Variants in MYT1L observed in about 807,000 individuals in gnomAD.
The protein encoded by MYT1L is myelin transcription factor 1-like protein.
Under a neutral mutation model 126.7 loss-of-function variants are expected in MYT1L, and 12 were observed. The observed-to-expected ratio is 0.09, with a 90% confidence interval of 0.06 to 0.15. The LOEUF (loss-of-function observed/expected upper bound fraction) is 0.15. Among genes scored for constraint, MYT1L ranks in the 10% least tolerant of loss-of-function variants. The pLI is 1.00. For synonymous variants in MYT1L, 541 were observed against 604.2 expected (o/e 0.90, Z 1.53); for missense variants, 979 against 1,585.2 (o/e 0.62, Z 6.49).
chr2:2,150,219 G>A (rs892946965), intron 3 of MYT1L, among the ~76,000 whole-genome samples: 4 of 152,130 alleles, frequency 2.6e-5, no homozygotes, highest in Admixed American at 6.5e-5. Context: ...GCAAGATACC[G>A]TAAGGCTCTC....
At chr2:2,121,196 A>G (rs773346250) in intron 3 of MYT1L, among the ~76,000 whole-genome samples, 14 of 152,152 alleles carry the variant, frequency 9.2e-5, no homozygotes, top group Non-Finnish European at 1.3e-4. Flanking sequence ...CGAGGAAAAC[A>G]TTTTCTAATT....
intron 19 of MYT1L, among the ~76,000 whole-genome samples, chr2:1,849,829 A>T (rs2042982766): frequency 6.6e-6 from 1 of 152,202 alleles, no homozygotes; most frequent in Admixed American, 6.5e-5. Context: ...AATGGCTGGG[A>T]TGTGAGCACA....
chr2:1,867,788 T>C (rs1035602662), intron 18 of MYT1L, among the ~76,000 whole-genome samples: 2 of 152,216 alleles, frequency 1.3e-5, no homozygotes, highest in African/African-American at 4.8e-5. Flanking sequence ...TGAAGGTCAT[T>C]GTTCACACAT....
chr2:1,948,100 G>A (rs1379571945), intron 8 of MYT1L, among the ~76,000 whole-genome samples: 3 of 152,288 alleles, frequency 2.0e-5, no homozygotes, highest in African/African-American at 4.8e-5. Context: ...TTCCCTTCCC[G>A]TGGTGGGAAC....
chr2:2,042,648 C>G (rs1260248320), intron 4 of MYT1L, among the ~76,000 whole-genome samples: 1 of 152,120 alleles, frequency 6.6e-6, no homozygotes, highest in Non-Finnish European at 1.5e-5. Flanking sequence ...GGCCTCAGAA[C>G]CACACAAAGG....
chr2:2,125,185 GTC>G (rs2081528181), intron 3 of MYT1L, among the ~76,000 whole-genome samples: 1 of 152,102 alleles, frequency 6.6e-6, no homozygotes, highest in African/African-American at 2.4e-5. Context: ...ACACCTTGGT[GTC>G]TCACACACAC....
At chr2:2,074,241 AC>A (rs1278076178) in intron 3 of MYT1L, among the ~76,000 whole-genome samples, 6 of 152,234 alleles carry the variant, frequency 3.9e-5, no homozygotes, top group Admixed American at 1.3e-4. Flanking sequence ...TTTAAAAAAA[AC>A]ATGCCACTTT....
chr2:1,923,199 ATTG>A lies in MYT1L; in HGVS notation c.567_569del (p.Asn191del). The A allele has an allele frequency of 1.2e-6, 2 of 1,613,532 alleles. No individual in the cohort carries two copies. Among genetic ancestry groups the A allele is most frequent in the Admixed American group, 1.7e-5 (1 of 59,956 alleles). On this transcript the variant is annotated inframe_deletion, in exon 10 of 25. Transcript: ENST00000647738. Reference sequence around the variant, plus strand: ...CATCGTAATTGTCATATTCGTCATTATTGTTATCATCCTTTTCTGTGTCTTGCA... The same window carrying A: ...CATCGTAATTGTCATATTCGTCATTATTATCATCCTTTTCTGTGTCTTGCA...
intron 21 of MYT1L, among the ~76,000 whole-genome samples, chr2:1,814,023 TC>T (rs369141318): frequency 0.065 from 5,231 of 80,090 alleles, 387 homozygotes; most frequent in South Asian, 0.2. Flanking sequence ...CGAGACTCCG[TC>T]CCCAAAAAAA....
intron 23 of MYT1L, among the ~76,000 whole-genome samples, chr2:1,794,269 C>T (rs536288522): frequency 3.3e-5 from 5 of 152,346 alleles, no homozygotes; most frequent in African/African-American, 1.2e-4. Context: ...CATCGCTGGC[C>T]CTCAGCGGGC....
intron 14 of MYT1L, among the ~76,000 whole-genome samples, chr2:1,899,299 C>A (rs541247961): frequency 7.2e-5 from 11 of 152,388 alleles, no homozygotes; most frequent in African/African-American, 2.4e-4. Flanking sequence ...CAGGTGCCAA[C>A]GGCACCCTAT....
intron 2 of MYT1L, among the ~76,000 whole-genome samples, chr2:2,204,337 G>C (rs1476083245): frequency 2.6e-5 from 4 of 151,120 alleles, no homozygotes; most frequent in Non-Finnish European, 5.9e-5. Flanking sequence ...CTACAGAATG[G>C]GAGAAAATTT....
At chr2:2,162,047 A>G (rs958323402) in intron 3 of MYT1L, among the ~76,000 whole-genome samples, 43 of 152,258 alleles carry the variant, frequency 2.8e-4, no homozygotes, top group African/African-American at 1.0e-3. Flanking sequence ...AATTTCACAG[A>G]CCAGTGTTTC....
chr2:1,932,034 G>A (rs144835717), intron 9 of MYT1L, among the ~76,000 whole-genome samples: 3 of 152,148 alleles, frequency 2.0e-5, no homozygotes, highest in South Asian at 4.2e-4. Flanking sequence ...CCTTCTTGAC[G>A]ACCGAAAGGA....
At chr2:1,991,298 C>T (rs779866369) in intron 5 of MYT1L, among the ~76,000 whole-genome samples, 1 of 152,054 alleles carries the variant, frequency 6.6e-6, no homozygotes, top group South Asian at 2.1e-4. Flanking sequence ...GTGAGGGTCT[C>T]GCTGTATCTT....
At chr2:2,055,105 A>G (rs183412055) in intron 3 of MYT1L, among the ~76,000 whole-genome samples, 1 of 152,360 alleles carries the variant, frequency 6.6e-6, no homozygotes, top group Admixed American at 6.5e-5. Context: ...ACTCTTTGTA[A>G]TATAAAAAAT....
chr2:1,923,597 G>T (rs1006279258), intron 9 of MYT1L, among the ~76,000 whole-genome samples: 5 of 152,154 alleles, frequency 3.3e-5, no homozygotes, highest in African/African-American at 4.8e-5. Flanking sequence ...TTCTCCATTG[G>T]CTTGCTTTAT....
intron 2 of MYT1L, among the ~76,000 whole-genome samples, chr2:2,177,837 A>G (rs2090992774): frequency 6.6e-6 from 1 of 152,144 alleles, no homozygotes; most frequent in African/African-American, 2.4e-5. Context: ...ATTCAAGATA[A>G]GATTTGGGTG....
At chr2:2,238,417 T>C (rs749769570) in intron 2 of MYT1L, among the ~76,000 whole-genome samples, 1 of 152,206 alleles carries the variant, frequency 6.6e-6, no homozygotes, top group Non-Finnish European at 1.5e-5. Context: ...CTGGGTGCAG[T>C]TTCAGATGTA....
Sources: allele counts gnomAD v4.1 joint callset (sites outside exome capture counted in the v4.1 genomes callset), GRCh38; gene constraint gnomAD v4.1.1; transcripts MANE v1.5; gene names NCBI Gene and HGNC (gene_info 2026-07-23, HGNC 2026-07-21).